HMBOX1: variants seen among roughly 807,000 people sequenced by gnomAD.
HMBOX1 encodes homeobox containing 1, also known as homeobox-containing protein 1.
HMBOX1 carries 14 observed loss-of-function variants against 54.5 expected under a neutral mutation model. The ratio of observed to expected loss-of-function variants is 0.26; its 90% CI spans 0.17 to 0.40. The LOEUF (loss-of-function observed/expected upper bound fraction) is 0.40, where lower values mean the gene tolerates loss of function less well. Among genes scored for constraint, HMBOX1 ranks in the 10% least tolerant of loss-of-function variants. The pLI, the probability that HMBOX1 is intolerant of heterozygous loss-of-function variation, is 1.00. For synonymous variants in HMBOX1, 160 were observed against 181.0 expected, an observed-to-expected ratio of 0.88 and a Z score of 0.93; for missense variants, 332 against 514.4, an observed-to-expected ratio of 0.65 and a Z score of 3.43.
chr8:28,973,592 T>A (rs945758070), intron 3 of HMBOX1, among the ~76,000 whole-genome samples: 1 of 152,078 alleles, frequency 6.6e-6, no homozygotes, highest in Non-Finnish European at 1.5e-5. Flanking sequence ...GATCACTAGA[T>A]GCTATGGTGA....
At chr8:29,000,867 A>T (rs975030476) in intron 4 of HMBOX1, among the ~76,000 whole-genome samples, 7 of 152,182 alleles carry the variant, frequency 4.6e-5, no homozygotes, top group Non-Finnish European at 7.3e-5. Flanking sequence ...TTAAAATGTC[A>T]CATGCTATTC....
intron 1 of HMBOX1, among the ~76,000 whole-genome samples, chr8:28,938,807 G>A (rs17059558): frequency 0.081 from 12,366 of 151,958 alleles, 656 homozygotes; most frequent in South Asian, 0.24. Flanking sequence ...TCTATCTGTG[G>A]AAATTCAATT....
chr8:29,051,683 C>T lies in HMBOX1; in HGVS notation c.*528C>T, dbSNP rs1250227624. 9 of 696,048 alleles carry T rather than the reference C, an allele frequency of 1.3e-5. No individual in the cohort carries two copies. Among genetic ancestry groups the T allele is most frequent in the South Asian group, 3.0e-5 (2 of 67,260 alleles). The allele number at this position is 696,048 out of a possible 1,614,324, so 43.1% of individuals were successfully genotyped here. A position where few individuals can be genotyped will look rare whatever the true frequency, so the allele number is the denominator to read the frequency against. On this transcript the variant is annotated 3_prime_UTR_variant, in exon 10 of 10. Transcript: ENST00000287701. ...TAATTGATTTCCAGCTGCAATAAGC[C>T]GTGCCTCATTATAGCCACACTGTGG...
chr8:28,926,745 CTT>C (rs746954292), intron 1 of HMBOX1, among the ~76,000 whole-genome samples: 4 of 152,068 alleles, frequency 2.6e-5, no homozygotes, highest in Non-Finnish European at 5.9e-5. Flanking sequence ...TTTAAAAAAA[CTT>C]TTTGTAGAGA....
rs141058815 is a variant in HMBOX1, at chr8:28,903,182, G to A, written c.-58+12504G>A. On this transcript the variant is annotated intron_variant, in intron 1 of 9. Transcript: ENST00000287701. Reference sequence around the variant, plus strand: ...ATACACAGAGAGAGAGAAGCAAAACGAACAAAAAGCCTAAAAGCATAATAT... The same window carrying A: ...ATACACAGAGAGAGAGAAGCAAAACAAACAAAAAGCCTAAAAGCATAATAT... 7.5e-4 allele frequency among the ~76,000 whole-genome samples: 114 copies of A among 151,998 alleles called. 1 individual carries two copies. The highest frequency in any genetic ancestry group is 2.6e-3 in the African/African-American group (108 of 41,444).
chr8:29,041,921 G>A (rs1804886466), intron 6 of HMBOX1, among the ~76,000 whole-genome samples: 1 of 152,132 alleles, frequency 6.6e-6, no homozygotes, highest in African/African-American at 2.4e-5. Flanking sequence ...ATTGGAGGGG[G>A]TACAGTGTCA....
At chr8:28,907,818 A>G (rs765655705) in intron 1 of HMBOX1, among the ~76,000 whole-genome samples, 3 of 151,438 alleles carry the variant, frequency 2.0e-5, no homozygotes, top group African/African-American at 4.9e-5. Context: ...GTTGTATACT[A>G]TATGAAATAT....
At chr8:28,971,743 A>G (rs935699538) in intron 3 of HMBOX1, among the ~76,000 whole-genome samples, 3 of 152,174 alleles carry the variant, frequency 2.0e-5, no homozygotes, top group Non-Finnish European at 2.9e-5. Context: ...TGAGTTCCAT[A>G]CTAGTTTATT....
chr8:28,912,557 G>C (rs1815657120), intron 1 of HMBOX1, among the ~76,000 whole-genome samples: 1 of 152,104 alleles, frequency 6.6e-6, no homozygotes, highest in Non-Finnish European at 1.5e-5. Context: ...AAAATTCATG[G>C]ACAAATTTCA....
intron 6 of HMBOX1, among the ~76,000 whole-genome samples, chr8:29,024,475 G>A (rs956319833): frequency 2.6e-5 from 4 of 152,062 alleles, no homozygotes; most frequent in Admixed American, 6.6e-5. Flanking sequence ...AGATAATAGC[G>A]GTAGGAGTGT....
intron 1 of HMBOX1, among the ~76,000 whole-genome samples, chr8:28,897,662 C>A (rs1007636050): frequency 1.3e-5 from 2 of 152,086 alleles, no homozygotes; most frequent in African/African-American, 2.4e-5. Flanking sequence ...GGCAACAGAG[C>A]GAGACTCTAT....
intron 4 of HMBOX1, among the ~76,000 whole-genome samples, chr8:28,985,532 C>T (rs554719009): frequency 6.6e-6 from 1 of 152,268 alleles, no homozygotes; most frequent in Non-Finnish European, 1.5e-5. Context: ...TGCATTTTAT[C>T]AGATGTGCAT....
At chr8:28,986,468 C>A (rs953236899) in intron 4 of HMBOX1, among the ~76,000 whole-genome samples, 1 of 152,180 alleles carries the variant, frequency 6.6e-6, no homozygotes, top group Non-Finnish European at 1.5e-5. Context: ...AAATAATTAT[C>A]TTGCTTATTT....
intron 4 of HMBOX1, among the ~76,000 whole-genome samples, chr8:28,998,670 A>G (rs1275598651): frequency 6.6e-6 from 1 of 151,866 alleles, no homozygotes; most frequent in Non-Finnish European, 1.5e-5. Context: ...TATATCTGCC[A>G]TTTTGCCATT....
Position 29,051,376 on chromosome 8 carries a change from A to AAC in HMBOX1, c.*221_*222insAC. 1 of 559,406 alleles carries AAC rather than the reference A, an allele frequency of 1.8e-6. No individual in the cohort carries two copies. The highest frequency in any genetic ancestry group is 3.2e-6 in the Non-Finnish European group (1 of 315,012). 34.7% of individuals were successfully genotyped at this position (559,406 alleles called of 1,614,324 possible). On this transcript the variant is annotated 3_prime_UTR_variant, in exon 10 of 10. Transcript: ENST00000287701. ...AAATAATAACCAACCAACCAACCAA[A>AAC]CTTCCCTCTCCCAGCCCCCGAGGCT...
intron 1 of HMBOX1, among the ~76,000 whole-genome samples, chr8:28,926,304 T>TATATATATACACACACAC (rs796953426): frequency 1.9e-4 from 27 of 142,212 alleles, no homozygotes; most frequent in African/African-American, 6.9e-4. Flanking sequence ...TATATATATA[T>TATATATATACACACACAC]ACACACACAC....
chr8:29,026,531 A>G (rs1423972407), intron 6 of HMBOX1, among the ~76,000 whole-genome samples: 1 of 152,164 alleles, frequency 6.6e-6, no homozygotes, highest in Non-Finnish European at 1.5e-5. Context: ...AATTATATCA[A>G]GCTGCTTTAA....
chr8:28,993,394 AATG>A (rs1170597078), intron 4 of HMBOX1, among the ~76,000 whole-genome samples: 2 of 152,206 alleles, frequency 1.3e-5, no homozygotes, highest in Admixed American at 6.5e-5. Context: ...TTATGTCTAG[AATG>A]ATGACAGTAC....
chr8:29,051,427 CA>C lies in HMBOX1; in HGVS notation c.*273del, dbSNP rs2133416436. The C allele has an allele frequency of 1.5e-6, 1 of 675,902 alleles. No individual in the cohort carries two copies. Among genetic ancestry groups the C allele is most frequent in the East Asian group, 2.7e-5 (1 of 36,764 alleles). 41.9% of individuals were successfully genotyped at this position (675,902 alleles called of 1,614,324 possible). A position where few individuals can be genotyped will look rare whatever the true frequency, so the allele number is the denominator to read the frequency against. On this transcript the variant is annotated 3_prime_UTR_variant, in exon 10 of 10. Coordinates refer to ENST00000287701, the MANE Select transcript of HMBOX1 (RefSeq NM_001135726.3). ...AGAAAATCTTGCTGCTCCGTCTTAG[CA>C]TTCCAAGAAAGTGCTTCCAGGTATT... is the stretch of plus-strand genomic sequence containing the variant.
Sources: gnomAD v4.1 joint callset for allele counts (sites outside exome capture counted in the v4.1 genomes callset) on GRCh38, gnomAD v4.1.1 for gene constraint, MANE v1.5 for transcripts, NCBI Gene and HGNC (gene_info 2026-07-23, HGNC 2026-07-21) for gene names.